CRYBG1: variants seen among roughly 807,000 people sequenced by gnomAD.
CRYBG1 encodes beta/gamma crystallin domain-containing protein 1.
CRYBG1 carries 139 observed loss-of-function variants against 189.2 expected under a neutral mutation model. The observed-to-expected ratio is 0.73, with a 90% CI of 0.64 to 0.85. CRYBG1 has a LOEUF of 0.85. Among genes scored for constraint, CRYBG1 ranks in the 40% least tolerant of loss-of-function variants. The pLI is 0.00. For synonymous variants in CRYBG1, 1,023 were observed against 1,017.1 expected, an observed-to-expected ratio of 1.01 and a Z score of -0.11; for missense variants, 2,611 against 2,675.8, an observed-to-expected ratio of 0.98 and a Z score of 0.53.
chr6:106,395,354 GATCTT>G (rs1251176707), intron 1 of CRYBG1, among the ~76,000 whole-genome samples: 4 of 150,328 alleles, frequency 2.7e-5, no homozygotes, highest in Admixed American at 1.3e-4. Flanking sequence ...ATTAATTTCT[GATCTT>G]ATCTTTATAT....
intron 1 of CRYBG1, among the ~76,000 whole-genome samples, chr6:106,447,547 A>AATATAGATATATATAT (rs1771686809): frequency 7.1e-6 from 1 of 141,058 alleles, no homozygotes; most frequent in African/African-American, 2.7e-5. Context: ...GTACCTCATA[A>AATATAGATATATATAT]ATATATATAT....
At chr6:106,534,079 A>G (rs775779895) in intron 8 of CRYBG1, among the ~76,000 whole-genome samples, 1 of 152,102 alleles carries the variant, frequency 6.6e-6, no homozygotes, top group Non-Finnish European at 1.5e-5. Flanking sequence ...CTTTTTTTTA[A>G]AGAATTGGTG....
At position 106,451,544 on chromosome 6, in the gene CRYBG1, A is replaced by G. The variant is rs530485635; in HGVS notation, c.174-150A>G. On this transcript the variant is annotated intron_variant, in intron 1 of 21. Coordinates refer to ENST00000633556, the MANE Select transcript of CRYBG1 (RefSeq NM_001371242.2). The stretch of plus-strand genomic sequence containing the variant: ...AAATGTGCTATGAGAGCGCCAAATT[A>G]TCTACAACGCCGTGTAGGTTTTGAA... The G allele has an allele frequency of 5.4e-6, 4 of 743,998 alleles. No individual in the cohort carries two copies. The African/African-American group carries it at 7.2e-5, about 13-fold the overall frequency. 46.1% of individuals were successfully genotyped at this position (743,998 alleles called of 1,614,324 possible).
intron 4 of CRYBG1, among the ~76,000 whole-genome samples, 188 bp downstream of exon 4, chr6:106,521,641 A>G (rs751565512): frequency 1.3e-5 from 2 of 151,672 alleles, no homozygotes; most frequent in Non-Finnish European, 2.9e-5. Flanking sequence ...AAAATGTACT[A>G]AGAGTCTTCA....
intron 1 of CRYBG1, among the ~76,000 whole-genome samples, chr6:106,438,570 G>A (rs1399009075): frequency 6.6e-6 from 1 of 152,168 alleles, no homozygotes; most frequent in African/African-American, 2.4e-5. Flanking sequence ...CATTGTCACA[G>A]GCGTGTGGCT....
rs987553942 is a variant in CRYBG1, at chr6:106,400,160, G to T, written c.173+39079G>T. On this transcript the variant is annotated intron_variant, in intron 1 of 21. Transcript: ENST00000633556. Reference sequence around the variant, plus strand: ...TCAAAAAAAAAAAAAAAAAAAAAGAGAGAGAGAAAAGGTCTCCCCATGTTG... The same window carrying T: ...TCAAAAAAAAAAAAAAAAAAAAAGATAGAGAGAAAAGGTCTCCCCATGTTG... Among the ~76,000 whole-genome samples, 3 of 141,872 alleles carry T rather than the reference G, an allele frequency of 2.1e-5. No homozygotes were observed. In the Admixed American group the frequency reaches 2.1e-4, roughly 10 times the overall value. The allele number at this position is 141,872 out of a possible 152,430, so 93.1% of individuals were successfully genotyped here. A position where few individuals can be genotyped will look rare whatever the true frequency, so the allele number is the denominator to read the frequency against.
Position 106,519,920 on chromosome 6 carries a change from G to A in CRYBG1, c.2712G>A (p.Val904=), listed in dbSNP as rs1301381195. Residue 904 remains valine (V), a synonymous_variant, in exon 4 of 22, where the codon GTG becomes GTA. Transcript: ENST00000633556. ...GTTTCCCATGCACTGATCTAAAAGT[G>A]TCAGAAAACCATAAAGGATGTGTTT... ...ISSFPCTDLK[V]SENHKGCVLP... 5 of 1,614,118 alleles carry A rather than the reference G, an allele frequency of 3.1e-6. No homozygotes were observed. The East Asian group carries it at 8.9e-5, about 29-fold the overall frequency.
chr6:106,366,908 G>A (rs803521), intron 1 of CRYBG1, among the ~76,000 whole-genome samples: 101,419 of 152,044 alleles, frequency 0.67, 34,018 homozygotes, highest in African/African-American at 0.74. Context: ...AAACTTCAGA[G>A]GCCCAGAAGT....
chr6:106,530,147 T>C, intron 7 of CRYBG1, 29 bp from the exon 8 acceptor site: 2 of 1,579,840 alleles, frequency 1.3e-6, no homozygotes, highest in Non-Finnish European at 1.7e-6. Context: ...GGTGCAATTC[T>C]TACTATCTAT....
Position 106,571,842 on chromosome 6 carries a change from C to A in CRYBG1, c.*3276C>A. The A allele has an allele frequency of 1.8e-5, 9 of 502,846 alleles. No homozygotes were observed. Among genetic ancestry groups the A allele is most frequent in the East Asian group, 3.6e-5 (1 of 27,672 alleles). 31.1% of individuals were successfully genotyped at this position (502,846 alleles called of 1,614,324 possible). ...AGTGCTGATATTTTTATATCAATTACTGGCCAAAATGGTGTGTTTATTTTT... is the reference window on the plus strand; with the variant it reads ...AGTGCTGATATTTTTATATCAATTAATGGCCAAAATGGTGTGTTTATTTTT... On this transcript the variant is annotated 3_prime_UTR_variant, in exon 22 of 22. Transcript: ENST00000633556.
chr6:106,442,497 C>T (rs1468264588), intron 1 of CRYBG1, among the ~76,000 whole-genome samples: 1 of 152,136 alleles, frequency 6.6e-6, no homozygotes, highest in African/African-American at 2.4e-5. Flanking sequence ...GTGCCATCAC[C>T]ACAGACTTCT....
At chr6:106,508,721 T>C (rs558633246) in intron 2 of CRYBG1, among the ~76,000 whole-genome samples, 3 of 152,348 alleles carry the variant, frequency 2.0e-5, no homozygotes, top group Non-Finnish European at 2.9e-5. Flanking sequence ...TCACAAGCCA[T>C]GTCCGGTGAC....
chr6:106,509,561 C>A (rs375950529), intron 2 of CRYBG1, among the ~76,000 whole-genome samples: 2 of 152,148 alleles, frequency 1.3e-5, no homozygotes, highest in Admixed American at 6.5e-5. Flanking sequence ...TCCCAAAGCG[C>A]CCACCAGGCG....
chr6:106,395,195 G>C (rs577300844), intron 1 of CRYBG1, among the ~76,000 whole-genome samples: 5 of 151,784 alleles, frequency 3.3e-5, no homozygotes, highest in Admixed American at 3.3e-4. Flanking sequence ...AGGAGTTTGA[G>C]ATCAGTCTGG....
At position 106,519,115 on chromosome 6, in the gene CRYBG1, T is replaced by G. The variant is rs1275431939; in HGVS notation, c.1923-16T>G. ...AACTAGGTCAATAACTTTATCTTCCTGCTTTTTCCTCACAGCCCTGCCAAG... is the reference window on the plus strand; with the variant it reads ...AACTAGGTCAATAACTTTATCTTCCGGCTTTTTCCTCACAGCCCTGCCAAG... On this transcript the variant is annotated splice_polypyrimidine_tract_variant and intron_variant, in intron 3 of 21. Transcript: ENST00000633556. The G allele has an allele frequency of 6.3e-7, 1 of 1,587,084 alleles. No individual in the cohort carries two copies. Among genetic ancestry groups the G allele is most frequent in the East Asian group, 2.2e-5 (1 of 44,608 alleles).
intron 2 of CRYBG1, among the ~76,000 whole-genome samples, chr6:106,501,123 C>T (rs192024071): frequency 6.6e-6 from 1 of 152,208 alleles, no homozygotes. Context: ...CCTCACGAAG[C>T]TTATGTTCTG....
intron 2 of CRYBG1, among the ~76,000 whole-genome samples, chr6:106,463,614 G>A (rs1388795983): frequency 5.5e-4 from 84 of 152,242 alleles, no homozygotes; most frequent in Non-Finnish European, 5.9e-5. Context: ...AAAAACATCT[G>A]AATGCTGAAG....
intron 1 of CRYBG1, among the ~76,000 whole-genome samples, chr6:106,410,196 A>C (rs1770900868): frequency 6.6e-6 from 1 of 152,238 alleles, no homozygotes; most frequent in African/African-American, 2.4e-5. Context: ...AACCCCATCA[A>C]AAAGTGGGTG....
chr6:106,566,333 A>G (rs1282686312), intron 21 of CRYBG1, among the ~76,000 whole-genome samples: 2 of 152,080 alleles, frequency 1.3e-5, no homozygotes, highest in Non-Finnish European at 2.9e-5. Context: ...TAGGTTTCTT[A>G]AGACTTCTTT....
Sources: allele counts gnomAD v4.1 joint callset (sites outside exome capture counted in the v4.1 genomes callset), GRCh38; gene constraint gnomAD v4.1.1; transcripts MANE v1.5; gene names NCBI Gene and HGNC (gene_info 2026-07-23, HGNC 2026-07-21).